Variants in COL2A1 observed in about 807,000 individuals in gnomAD.
COL2A1 encodes collagen alpha-1(II) chain.
In COL2A1, 28 loss-of-function variants were observed where a neutral mutation model predicts 204.5. That is an observed-to-expected ratio of 0.14 (90% CI 0.10 to 0.19). COL2A1 has a LOEUF of 0.19. COL2A1 is among the 10% of genes least tolerant of loss of function. The pLI is 1.00. For missense variants in COL2A1, 1,388 were observed against 2,027.5 expected, an observed-to-expected ratio of 0.68 and a Z score of 6.06; for synonymous variants, 708 against 718.7, an observed-to-expected ratio of 0.99 and a Z score of 0.24.
chr12:47,973,041 G>T lies in COL2A1; in HGVS notation c.*366C>A. On this transcript the variant is annotated 3_prime_UTR_variant, in exon 54 of 54. Transcript: ENST00000380518. Reference sequence around the variant, plus strand: ...ATACAGAGGTGTTTGACACAGAATAGCACCATTGTGTAGGACACACACAGT... The same window carrying T: ...ATACAGAGGTGTTTGACACAGAATATCACCATTGTGTAGGACACACACAGT... 1.8e-6 allele frequency: 1 copy of T among 567,572 alleles called. No homozygotes were observed. The highest frequency in any genetic ancestry group is 2.5e-5 in the South Asian group (1 of 39,654). 35.2% of individuals were successfully genotyped at this position (567,572 alleles called of 1,614,324 possible).
chr12:48,002,248 C>T (rs1940269506), intron 1 of COL2A1, among the ~76,000 whole-genome samples: 1 of 152,192 alleles, frequency 6.6e-6, no homozygotes. Flanking sequence ...GGGGCACTTT[C>T]GGAGGCGAGG....
rs894434249 is a variant in COL2A1, at chr12:47,978,483, G to T, written c.2896-85C>A. 3.1e-5 allele frequency: 48 copies of T among 1,572,972 alleles called. No homozygotes were observed. Among genetic ancestry groups the T allele is most frequent in the Non-Finnish European group, 4.2e-5 (48 of 1,153,088 alleles). Reference sequence around the variant, plus strand: ...AGCACAGCTCTGTCTGTGCAGCCCCGCTCCCTGGCATCCCCACGGCCCCTG... The same window carrying T: ...AGCACAGCTCTGTCTGTGCAGCCCCTCTCCCTGGCATCCCCACGGCCCCTG... On this transcript the variant is annotated intron_variant, in intron 42 of 53. Transcript: ENST00000380518. This position sits in a 1 kb window ranked among gnomAD's most constrained non-coding sequence, Gnocchi z 5.5.
chr12:47,977,881 G>A, intron 44 of COL2A1, 129 bp downstream of exon 44: 1 of 981,556 alleles, frequency 1.0e-6, no homozygotes, highest in South Asian at 1.4e-5. Flanking sequence ...AGGCTTTCAG[G>A]CCTGTCGGCC....
In COL2A1 at chr12:47,998,371, A is replaced by G. The variant is rs746417886; in HGVS notation, c.309+44T>C. ...GCATTGCTTTTGAAGCAGAAAATAT[A>G]AAGCCAAAAAAATATGAAAAAAGAA... is the stretch of plus-strand genomic sequence containing the variant. On this transcript the variant is annotated intron_variant, in intron 3 of 53. Coordinates refer to ENST00000380518, the MANE Select transcript of COL2A1 (RefSeq NM_001844.5). 1.0e-5 allele frequency: 16 copies of G among 1,561,704 alleles called. No homozygotes were observed. The South Asian group carries it at 1.8e-4, about 18-fold the overall frequency.
At chr12:47,998,772 CCCCCA>C in intron 2 of COL2A1, 1 of 292,270 alleles carries the variant, frequency 3.4e-6, no homozygotes, top group Non-Finnish European at 6.4e-6. Flanking sequence ...GTCTCTCTTC[CCCCCA>C]CAGGGTAGGG....
chr12:47,998,343 A>G, intron 3 of COL2A1, 72 bp downstream of exon 3: 2 of 1,508,690 alleles, frequency 1.3e-6, no homozygotes, highest in Admixed American at 3.4e-5. Flanking sequence ...CTGGATTAAC[A>G]TAGCATTGCT....
intron 25 of COL2A1, 27 bp from the exon 26 acceptor site, chr12:47,985,614 G>A (rs1939351653): frequency 6.2e-7 from 1 of 1,613,494 alleles, no homozygotes; most frequent in African/African-American, 1.3e-5. Context: ...GAAGAGGGTG[G>A]GGTCAGGAGC....
chr12:48,004,491 G>A (rs41317879), upstream of COL2A1: 424 of 545,738 alleles, frequency 7.8e-4, 1 homozygote, highest in African/African-American at 8.0e-3. Context: ...TCTCCCCGCC[G>A]CGGCGCCCGT....
At position 47,994,176 on chromosome 12, in the gene COL2A1, G is replaced by T. The variant is rs183528882; in HGVS notation, c.817-129C>A. The T allele has an allele frequency of 6.2e-4, 708 of 1,146,504 alleles. 4 individuals carry two copies. The African/African-American group carries it at 9.0e-3, about 15-fold the overall frequency. 71.0% of individuals were successfully genotyped at this position (1,146,504 alleles called of 1,614,324 possible). On this transcript the variant is annotated intron_variant, in intron 12 of 53. Coordinates refer to ENST00000380518, the MANE Select transcript of COL2A1 (RefSeq NM_001844.5). ...TGTCTCGAATCCCCACACTTGGACA[G>T]CTCTTTCTGTAAAACCCAGACCACC...
chr12:47,993,387 G>A lies in COL2A1; in HGVS notation c.969+71C>T, dbSNP rs1448249857. ...CACAGAATATGAACTTTGCACAAAG[G>A]GAGCTCTTTGCAGCCATCTGATAGT... On this transcript the variant is annotated intron_variant, in intron 15 of 53. Transcript: ENST00000380518. 13 of 1,158,428 alleles carry A rather than the reference G, an allele frequency of 1.1e-5. No homozygotes were observed. The East Asian group carries it at 1.6e-4, about 15-fold the overall frequency. 71.8% of individuals were successfully genotyped at this position (1,158,428 alleles called of 1,614,324 possible). A position where few individuals can be genotyped will look rare whatever the true frequency, so the allele number is the denominator to read the frequency against.
rs1426392708 is a variant in COL2A1 at position 47,978,553 on chromosome 12, C to A, written c.2895+44G>T. The A allele has an allele frequency of 6.2e-7, 1 of 1,612,518 alleles. No individual in the cohort carries two copies. Among genetic ancestry groups the A allele is most frequent in the South Asian group, 1.1e-5 (1 of 90,892 alleles). On this transcript the variant is annotated intron_variant, in intron 42 of 53. Coordinates refer to ENST00000380518, the MANE Select transcript of COL2A1 (RefSeq NM_001844.5). The surrounding 1 kb of genome is among the most constrained non-coding windows in gnomAD (Gnocchi z 5.5). ...CTGTGAGCTCAGAAGCCACTCACGA[C>A]CCTGCTCCCAGGGACCTTGGCATGG...
chr12:47,988,755 A>G (rs1375434700), intron 18 of COL2A1, among the ~76,000 whole-genome samples: 1 of 152,244 alleles, frequency 6.6e-6, no homozygotes, highest in Non-Finnish European at 1.5e-5. Flanking sequence ...GAACTCCGTT[A>G]ACATGGTTTG....
At chr12:48,002,210 G>A (rs998244201) in intron 1 of COL2A1, among the ~76,000 whole-genome samples, 6 of 152,220 alleles carry the variant, frequency 3.9e-5, no homozygotes, top group African/African-American at 1.4e-4. Context: ...GCCTCACAAA[G>A]GAGGATTGAG....
chr12:47,977,486 A>C, intron 45 of COL2A1, 59 bp from the exon 46 acceptor site: 1 of 1,578,098 alleles, frequency 6.3e-7, no homozygotes, highest in Non-Finnish European at 8.7e-7. Flanking sequence ...CAGGAACAGA[A>C]GGTCCTTCTA....
chr12:47,981,078 G>A (rs1299933029), intron 37 of COL2A1, 110 bp from the exon 38 acceptor site: 3 of 1,191,746 alleles, frequency 2.5e-6, no homozygotes, highest in Non-Finnish European at 3.6e-6. Context: ...CCCAGAGACG[G>A]GGATCTGAAA....
chr12:47,983,436 T>C lies in COL2A1; in HGVS notation c.1998A>G (p.Gly666=), dbSNP rs201133972. 1 of 1,613,972 alleles carries C rather than the reference T, an allele frequency of 6.2e-7. No individual in the cohort carries two copies. The highest frequency in any genetic ancestry group is 2.2e-5 in the East Asian group (1 of 44,868). The change falls in exon 31 of 54, where the codon GGA becomes GGG. Residue 666 remains glycine, a splice_region_variant and synonymous_variant. Coordinates refer to ENST00000380518, the MANE Select transcript of COL2A1 (RefSeq NM_001844.5). ...QGAPGPSGFQ[G]LPGPPGPPGE... ...CTGGGGGACCAGGAGGGCCAGGAAG[T>C]CCCTAGAAGCCGAAGTGACAAGCGT... is the stretch of plus-strand genomic sequence containing the variant.
chr12:47,985,087 G>C lies in COL2A1; in HGVS notation c.1741C>G (p.Pro581Ala). The change falls in exon 27 of 54, where the codon CCT becomes GCT. Residue 581 changes from proline (P) to alanine (A), a missense_variant. By Grantham distance (27) the Pro-to-Ala change is conservative. Around this residue, in one of 3 missense-constraint regions of COL2A1, gnomAD observed 884 missense variants for 1,415.8 expected, o/e 0.62. Coordinates refer to ENST00000380518, the MANE Select transcript of COL2A1 (RefSeq NM_001844.5). ...GGTCCAGGACGACCATCTTCACCAG[G>C]GGCTCCCTGAAAGACAGAACACCAT... ...PQGKVGPSGA[P>A]GEDGRPGPPG... The C allele has an allele frequency of 1.2e-6, 2 of 1,612,898 alleles. No individual in the cohort carries two copies. The highest frequency in any genetic ancestry group is 8.5e-7 in the Non-Finnish European group (1 of 1,179,464).
At position 47,980,056 on chromosome 12, in the gene COL2A1, T is replaced by C. The variant is rs147760401; in HGVS notation, c.2632A>G (p.Thr878Ala). 4 of 1,554,082 alleles carry C rather than the reference T, an allele frequency of 2.6e-6. No individual in the cohort carries two copies. The highest frequency in any genetic ancestry group is 1.7e-6 in the Non-Finnish European group (2 of 1,148,772). Residue 878 changes from threonine to alanine, a missense_variant, in exon 40 of 54, where the codon ACT becomes GCT. Coordinates refer to ENST00000380518, the MANE Select transcript of COL2A1 (RefSeq NM_001844.5). The surrounding 1 kb of genome is among the most constrained non-coding windows in gnomAD (Gnocchi z 4.5). ...PSGAPGPQGP[T>A]GVTGPKGARG... ...GCTCCTTTAGGACCAGTCACTCCAG[T>C]AGGACCCTGGAAAGGAAAGAGGGAG...
chr12:47,981,084 T>A, intron 37 of COL2A1, 116 bp from the exon 38 acceptor site: 1 of 1,124,560 alleles, frequency 8.9e-7, no homozygotes, highest in Non-Finnish European at 1.3e-6. Flanking sequence ...GACGGGGATC[T>A]GAAAGCAGCC....
Sources: allele counts gnomAD v4.1 joint callset (sites outside exome capture counted in the v4.1 genomes callset), GRCh38; gene constraint gnomAD v4.1.1; regional missense constraint gnomAD v4.1.1; non-coding constraint Gnocchi (gnomAD v3.1); transcripts MANE v1.5; gene names NCBI Gene and HGNC (gene_info 2026-07-23, HGNC 2026-07-21).